OSBPL3: variants seen among roughly 807,000 people sequenced by gnomAD.
OSBPL3 encodes the protein oxysterol binding protein like 3.
OSBPL3 carries 65 observed loss-of-function variants against 120.1 expected under a neutral mutation model. That is an observed-to-expected ratio of 0.54 (90% CI 0.44 to 0.67). OSBPL3 has a LOEUF of 0.67. Ranked by LOEUF, OSBPL3 falls within the 30% of genes least tolerant of loss-of-function variation. The pLI is 0.00. For missense variants in OSBPL3, 1,004 were observed against 1,082.1 expected, an observed-to-expected ratio of 0.93 and a Z score of 1.01; for synonymous variants, 416 against 402.6, an observed-to-expected ratio of 1.03 and a Z score of -0.40.
In OSBPL3 at chr7:24,936,627, A is replaced by T. The variant is rs1377067473; in HGVS notation, c.-150+43259T>A. ...TCTGCCAGGTGGCAAAGAGAAAATG[A>T]AAATAGGGGAAAGAGTCACTCTAGT... On this transcript the variant is annotated intron_variant, in intron 1 of 22. Coordinates refer to ENST00000313367, the MANE Select transcript of OSBPL3 (RefSeq NM_015550.4). The surrounding 1 kb of genome is among the most constrained non-coding windows in gnomAD (Gnocchi z 4.2). Among the ~76,000 whole-genome samples the T allele has an allele frequency of 6.6e-6, 1 of 152,226 alleles. No individual in the cohort carries two copies. Among genetic ancestry groups the T allele is most frequent in the East Asian group, 1.9e-4 (1 of 5,196 alleles).
Position 24,899,136 on chromosome 7 carries a change from C to G in OSBPL3, c.-149-6515G>C, listed in dbSNP as rs1305973553. Among the ~76,000 whole-genome samples, 1 of 152,196 alleles carries G rather than the reference C, an allele frequency of 6.6e-6. No homozygotes were observed. The highest frequency in any genetic ancestry group is 1.9e-4 in the East Asian group (1 of 5,186). ...CATCCATTTCTTATGGGACATGGATCAAGAGCCCTTGTGATCCCAGATGTT... is the reference window on the plus strand; with the variant it reads ...CATCCATTTCTTATGGGACATGGATGAAGAGCCCTTGTGATCCCAGATGTT... On this transcript the variant is annotated intron_variant, in intron 1 of 22. Transcript: ENST00000313367. The surrounding 1 kb of genome is among the most constrained non-coding windows in gnomAD (Gnocchi z 4.0).
intron 16 of OSBPL3, among the ~76,000 whole-genome samples, chr7:24,825,415 T>C (rs1189227097): frequency 6.6e-6 from 1 of 152,208 alleles, no homozygotes; most frequent in Non-Finnish European, 1.5e-5. Context: ...AGATGCCAAT[T>C]ATTTTCCCTT....
intron 2 of OSBPL3, among the ~76,000 whole-genome samples, chr7:24,887,075 C>T (rs1453039930): frequency 6.6e-6 from 1 of 152,136 alleles, no homozygotes; most frequent in Non-Finnish European, 1.5e-5. Flanking sequence ...ACTTTAAATG[C>T]TTAAGCAATA....
Position 24,912,548 on chromosome 7 carries a change from T to A in OSBPL3, c.-149-19927A>T, listed in dbSNP as rs1431853442. On this transcript the variant is annotated intron_variant, in intron 1 of 22. Coordinates refer to ENST00000313367, the MANE Select transcript of OSBPL3 (RefSeq NM_015550.4). This position sits in a 1 kb window ranked among gnomAD's most constrained non-coding sequence, Gnocchi z 4.5. The stretch of plus-strand genomic sequence containing the variant: ...TACTATGCAAAAGGCAACTCTCCCA[T>A]CCTCACACCCAAAGACAGAACAGCC... Among the ~76,000 whole-genome samples the A allele has an allele frequency of 1.3e-5, 2 of 152,120 alleles. No homozygotes were observed. The highest frequency in any genetic ancestry group is 3.9e-4 in the East Asian group (2 of 5,190).
chr7:24,837,841 C>T (rs1231675173), intron 14 of OSBPL3, among the ~76,000 whole-genome samples: 2 of 152,180 alleles, frequency 1.3e-5, no homozygotes, highest in Non-Finnish European at 2.9e-5. Flanking sequence ...GAAGTCTGGT[C>T]CCTTAATCTG....
intron 1 of OSBPL3, among the ~76,000 whole-genome samples, chr7:24,971,543 C>G (rs1563024744): frequency 6.6e-6 from 1 of 152,182 alleles, no homozygotes; most frequent in Non-Finnish European, 1.5e-5. Context: ...TGTGACTGAC[C>G]TGGCTCACAG....
intron 1 of OSBPL3, among the ~76,000 whole-genome samples, chr7:24,902,483 C>A (rs1807180779): frequency 6.6e-6 from 1 of 152,128 alleles, no homozygotes; most frequent in South Asian, 2.1e-4. Flanking sequence ...CTGACTCTTT[C>A]CTACTAAAGA....
rs778197030 is a variant in OSBPL3 at position 24,830,945 on chromosome 7, C to T, written c.1747-40G>A. On this transcript the variant is annotated intron_variant, in intron 15 of 22. Transcript: ENST00000313367. The surrounding 1 kb of genome is among the most constrained non-coding windows in gnomAD (Gnocchi z 4.4). ...AAAGAACTTTGTCATTTCCGTGTCA[C>T]CAAGAGCTTTATTGTTCACAAAGAA... 6.4e-6 allele frequency: 10 copies of T among 1,552,494 alleles called. No homozygotes were observed. Among genetic ancestry groups the T allele is most frequent in the Non-Finnish European group, 8.7e-6 (10 of 1,154,406 alleles).
intron 1 of OSBPL3, among the ~76,000 whole-genome samples, chr7:24,943,955 A>G (rs1318385680): frequency 1.3e-5 from 2 of 152,298 alleles, no homozygotes; most frequent in Admixed American, 1.3e-4. Flanking sequence ...TAATAGTTGA[A>G]TTAAGAATCC....
At chr7:24,878,424 T>G (rs1020256096) in intron 2 of OSBPL3, among the ~76,000 whole-genome samples, 1 of 152,200 alleles carries the variant, frequency 6.6e-6, no homozygotes, top group African/African-American at 2.4e-5. Flanking sequence ...CAGCCTTAAA[T>G]CATGTAATTT....
chr7:24,941,864 A>G lies in OSBPL3; in HGVS notation c.-150+38022T>C, dbSNP rs529379736. ...GGTATTGAAGGCCTCCTAAGCGCCA[A>G]CTCAACCTTCCTTTCCCCCTTTATC... On this transcript the variant is annotated intron_variant, in intron 1 of 22. Transcript: ENST00000313367. Among the ~76,000 whole-genome samples the G allele has an allele frequency of 7.2e-5, 11 of 152,280 alleles. No homozygotes were observed. In the South Asian group the frequency reaches 2.1e-3, roughly 29 times the overall value.
rs1794597233 is a variant in OSBPL3 at position 24,817,345 on chromosome 7, C to T, written c.1949-657G>A. 6.6e-6 allele frequency among the ~76,000 whole-genome samples: 1 copy of T among 152,122 alleles called. No individual in the cohort carries two copies. Among genetic ancestry groups the T allele is most frequent in the South Asian group, 2.1e-4 (1 of 4,820 alleles). ...CAGCACAGCCAACATGGCGAAACCC[C>T]TTCTCTATTAAAAATACAAAAATTA... On this transcript the variant is annotated intron_variant, in intron 17 of 22. Coordinates refer to ENST00000313367, the MANE Select transcript of OSBPL3 (RefSeq NM_015550.4). The surrounding 1 kb of genome is among the most constrained non-coding windows in gnomAD (Gnocchi z 4.0).
At chr7:24,954,961 C>A (rs1372490602) in intron 1 of OSBPL3, among the ~76,000 whole-genome samples, 1 of 152,144 alleles carries the variant, frequency 6.6e-6, no homozygotes, top group African/African-American at 2.4e-5. Flanking sequence ...GCAAACAGGG[C>A]AGGCAAGGGA....
chr7:24,913,024 C>T lies in OSBPL3; in HGVS notation c.-149-20403G>A, dbSNP rs1255775541. 2.6e-5 allele frequency among the ~76,000 whole-genome samples: 4 copies of T among 152,130 alleles called. No homozygotes were observed. Among genetic ancestry groups the T allele is most frequent in the Admixed American group, 2.0e-4 (3 of 15,272 alleles). On this transcript the variant is annotated intron_variant, in intron 1 of 22. Transcript: ENST00000313367. This position sits in a 1 kb window ranked among gnomAD's most constrained non-coding sequence, Gnocchi z 5.3. ...GATCCATTCGGAAAAGAATGGCGACCGCCTCACCTCAGCCGATAACCAGCA... is the reference window on the plus strand; with the variant it reads ...GATCCATTCGGAAAAGAATGGCGACTGCCTCACCTCAGCCGATAACCAGCA...
Position 24,922,673 on chromosome 7 carries a change from C to CT in OSBPL3, c.-149-30053dup, listed in dbSNP as rs1039089701. ...CAGACCTGCCAGCTCTGCCCTGGTC[C>CT]TCAGTCTGACCTCATTCTAGCCTGA... On this transcript the variant is annotated intron_variant, in intron 1 of 22. Transcript: ENST00000313367. The surrounding 1 kb of genome is among the most constrained non-coding windows in gnomAD (Gnocchi z 4.3). 6.6e-6 allele frequency among the ~76,000 whole-genome samples: 1 copy of CT among 152,138 alleles called. No homozygotes were observed. The highest frequency in any genetic ancestry group is 1.5e-5 in the Non-Finnish European group (1 of 68,022).
Position 24,820,262 on chromosome 7 carries a change from A to C in OSBPL3, c.1885-24T>G, listed in dbSNP as rs773379299. 3.8e-6 allele frequency: 6 copies of C among 1,576,800 alleles called. No homozygotes were observed. In the South Asian group the frequency reaches 6.7e-5, roughly 18 times the overall value. On this transcript the variant is annotated intron_variant, in intron 16 of 22. Transcript: ENST00000313367. This position sits in a 1 kb window ranked among gnomAD's most constrained non-coding sequence, Gnocchi z 4.6. ...ACCTGATGGAAACAAAGGACAGAAA[A>C]ACAAAAAATGAATGAACTTTTGTGT...
chr7:24,869,366 TA>T (rs1275740132), intron 5 of OSBPL3, among the ~76,000 whole-genome samples: 2 of 152,230 alleles, frequency 1.3e-5, no homozygotes, highest in African/African-American at 2.4e-5. Flanking sequence ...AGAAATAACC[TA>T]AACTATTCTA....
chr7:24,895,093 C>T (rs1023574523), intron 1 of OSBPL3, among the ~76,000 whole-genome samples: 5 of 152,090 alleles, frequency 3.3e-5, no homozygotes, highest in Non-Finnish European at 7.4e-5. Flanking sequence ...CTATTTCATC[C>T]CCTAGAACCT....
chr7:24,954,647 T>C (rs1391017187), intron 1 of OSBPL3, among the ~76,000 whole-genome samples: 6 of 151,920 alleles, frequency 3.9e-5, no homozygotes. Flanking sequence ...CCTGACCCCA[T>C]CTCCTACAAA....
Sources: gnomAD v4.1 joint callset for allele counts (sites outside exome capture counted in the v4.1 genomes callset) on GRCh38, gnomAD v4.1.1 for gene constraint, Gnocchi (gnomAD v3.1) non-coding constraint, MANE v1.5 for transcripts, NCBI Gene and HGNC (gene_info 2026-07-23, HGNC 2026-07-21) for gene names.